Variants in ZNF124 observed in about 807,000 individuals in gnomAD.
The protein encoded by ZNF124 is zinc finger protein HZF-16.
ZNF124 carries 25 observed loss-of-function variants against 26.6 expected under a neutral mutation model. The observed-to-expected ratio is 0.94, with a 90% CI of 0.68 to 1.31. The LOEUF is 1.31. ZNF124 is among the 40% of genes most tolerant of loss of function. ZNF124 has a pLI of 0.00. For missense variants in ZNF124, 444 were observed against 422.2 expected (o/e 1.05, Z -0.45); for synonymous variants, 129 against 133.3 (o/e 0.97, Z 0.22).
At chr1:247,135,064 A>C (rs1452846161) in intron 3 of ZNF124, among the ~76,000 whole-genome samples, 1 of 152,230 alleles carries the variant, frequency 6.6e-6, no homozygotes, top group Non-Finnish European at 1.5e-5. Context: ...ACAAAGAGAC[A>C]ATGTACCAGA....
intron 3 of ZNF124, among the ~76,000 whole-genome samples, chr1:247,125,775 G>C (rs1672203507): frequency 6.6e-6 from 1 of 152,100 alleles, no homozygotes; most frequent in African/African-American, 2.4e-5. Context: ...TGAGTTTTTG[G>C]TAACAACTTT....
intron 3 of ZNF124, among the ~76,000 whole-genome samples, chr1:247,130,066 C>T (rs532076442): frequency 3.3e-5 from 5 of 152,072 alleles, no homozygotes; most frequent in Non-Finnish European, 5.9e-5. Flanking sequence ...TGTCCGTGCT[C>T]GTCAGTACTG....
At position 247,168,374 on chromosome 1, in the gene ZNF124, C is replaced by CA. The variant is rs1043995446; in HGVS notation, c.30+3473dup. Among the ~76,000 whole-genome samples, 7 of 151,778 alleles carry CA rather than the reference C, an allele frequency of 4.6e-5. No individual in the cohort carries two copies. Among genetic ancestry groups the CA allele is most frequent in the Non-Finnish European group, 1.0e-4 (7 of 67,930 alleles). On this transcript the variant is annotated intron_variant, in intron 1 of 3. Coordinates refer to ENST00000543802, the MANE Select transcript of ZNF124 (RefSeq NM_001297568.2). This position sits in a 1 kb window ranked among gnomAD's most constrained non-coding sequence, Gnocchi z 4.0. Reference sequence around the variant, plus strand: ...CAAAACCCTGTCTCTACTAAAAATACAAAAAAAATTTAGCTGGGCGTGATG... The same window carrying CA: ...CAAAACCCTGTCTCTACTAAAAATACAAAAAAAAATTTAGCTGGGCGTGATG...
chr1:247,136,701 C>T (rs1227199252), intron 3 of ZNF124, among the ~76,000 whole-genome samples: 1 of 152,160 alleles, frequency 6.6e-6, no homozygotes, highest in African/African-American at 2.4e-5. Flanking sequence ...AATCCCAGCA[C>T]TTTAGGAGGC....
At chr1:247,169,893 A>G (rs1674003276) in intron 1 of ZNF124, among the ~76,000 whole-genome samples, 1 of 108,210 alleles carries the variant, frequency 9.2e-6, no homozygotes, top group Non-Finnish European at 1.9e-5. Context: ...TCTCGGTCCC[A>G]GGGGATTCAT....
intron 3 of ZNF124, among the ~76,000 whole-genome samples, chr1:247,137,105 A>C (rs968542371): frequency 6.6e-6 from 1 of 152,060 alleles, no homozygotes; most frequent in Admixed American, 6.6e-5. Context: ...CAAAACAGAT[A>C]TATAGACCAA....
intron 3 of ZNF124, among the ~76,000 whole-genome samples, chr1:247,130,439 CAG>C: frequency 6.6e-6 from 1 of 152,308 alleles, no homozygotes; most frequent in South Asian, 2.1e-4. Flanking sequence ...TACTCACTAA[CAG>C]AAGCTCACTA....
At chr1:247,153,245 T>C (rs1304124915), downstream of ZNF124, among the ~76,000 whole-genome samples, 1 of 152,164 alleles carries the variant, frequency 6.6e-6, no homozygotes, top group East Asian at 1.9e-4. Context: ...AACATGTAAA[T>C]GTACACCAGT....
At chr1:247,151,559 T>C (rs556926450), downstream of ZNF124, among the ~76,000 whole-genome samples, 42 of 151,188 alleles carry the variant, frequency 2.8e-4, no homozygotes, top group African/African-American at 1.0e-3. Flanking sequence ...GCATGAAAAG[T>C]GTTACAAGTA....
At position 247,157,124 on chromosome 1, in the gene ZNF124, A is replaced by G. The variant is rs1363727056; in HGVS notation, c.498T>C (p.Asn166=). ...CTCCAGTGTGAATCCTTTTATGTCT[A>G]TTAAGAGAACGGGAAAAACCTAAGG... ...GKALGFSRSL[N]RHKRIHTGEK... is the part of the protein sequence containing the mutation. Residue 166 remains asparagine, a synonymous_variant, in exon 4 of 4, where the codon AAT becomes AAC. Transcript: ENST00000543802. 10 of 1,613,912 alleles carry G rather than the reference A, an allele frequency of 6.2e-6. No homozygotes were observed. Among genetic ancestry groups the G allele is most frequent in the African/African-American group, 2.7e-5 (2 of 74,862 alleles).
upstream of ZNF124, among the ~76,000 whole-genome samples, chr1:247,172,262 G>GTA (rs1231668944): frequency 6.6e-6 from 1 of 151,222 alleles, no homozygotes; most frequent in Non-Finnish European, 1.5e-5. Flanking sequence ...ACTTAACCTT[G>GTA]TATACAATGT....
rs764993991 is a variant in ZNF124, at chr1:247,144,693, C to T, written c.218+14313G>A. Among the ~76,000 whole-genome samples the T allele has an allele frequency of 5.3e-5, 8 of 152,130 alleles. No individual in the cohort carries two copies. The East Asian group carries it at 1.5e-3, about 29-fold the overall frequency. On this transcript the variant is annotated intron_variant, in intron 3 of 3. Coordinates refer to the ZNF124 transcript ENST00000472531. ...GGTCAATTTGAACTCTCTGAAAGCC[C>T]GCAAAAGACTAGCTCTAAACCCTAG...
At chr1:247,150,615 A>C (rs1572074111), downstream of ZNF124, among the ~76,000 whole-genome samples, 1 of 152,292 alleles carries the variant, frequency 6.6e-6, no homozygotes, top group African/African-American at 2.4e-5. Context: ...CTTAAAATAG[A>C]GAAAGATTTC....
At position 247,168,977 on chromosome 1, in the gene ZNF124, C is replaced by T. The variant is rs544119434; in HGVS notation, c.30+2871G>A. On this transcript the variant is annotated intron_variant, in intron 1 of 3. Transcript: ENST00000543802. The surrounding 1 kb of genome is among the most constrained non-coding windows in gnomAD (Gnocchi z 4.0). The stretch of plus-strand genomic sequence containing the variant: ...CTTGTAACCAAAAACCACCTGCTAC[C>T]CCAAATGTATTGATATAACATTAAA... Among the ~76,000 whole-genome samples, 8 of 151,726 alleles carry T rather than the reference C, an allele frequency of 5.3e-5. No individual in the cohort carries two copies. The highest frequency in any genetic ancestry group is 1.2e-4 in the Non-Finnish European group (8 of 67,954).
chr1:247,141,342 C>T (rs1672622078), intron 3 of ZNF124, among the ~76,000 whole-genome samples: 1 of 152,150 alleles, frequency 6.6e-6, no homozygotes, highest in Non-Finnish European at 1.5e-5. Flanking sequence ...CTGGGGGCTC[C>T]ACCTCCAAGA....
intron 3 of ZNF124, among the ~76,000 whole-genome samples, chr1:247,133,791 T>C (rs1672423099): frequency 6.6e-6 from 1 of 151,628 alleles, no homozygotes; most frequent in Non-Finnish European, 1.5e-5. Context: ...GTAGCGGGGA[T>C]TACAGGCATG....
intron 3 of ZNF124, among the ~76,000 whole-genome samples, chr1:247,143,626 G>T (rs534154216): frequency 5.6e-4 from 85 of 152,302 alleles, no homozygotes; most frequent in Middle Eastern, 3.4e-3. Flanking sequence ...ACTCCTGAGA[G>T]ACTCCATCTG....
intron 3 of ZNF124, among the ~76,000 whole-genome samples, chr1:247,128,087 C>T (rs1402423578): frequency 6.6e-6 from 1 of 152,112 alleles, no homozygotes; most frequent in Non-Finnish European, 1.5e-5. Flanking sequence ...TCTCAAACTC[C>T]AACTTCCCCT....
chr1:247,144,082 CA>C (rs1558377636), intron 3 of ZNF124, among the ~76,000 whole-genome samples: 1 of 152,152 alleles, frequency 6.6e-6, no homozygotes, highest in African/African-American at 2.4e-5. Context: ...TGTCCTTTCC[CA>C]ACATGATTTC....
Sources: gnomAD v4.1 joint callset for allele counts (sites outside exome capture counted in the v4.1 genomes callset) on GRCh38, gnomAD v4.1.1 for gene constraint, Gnocchi (gnomAD v3.1) non-coding constraint, MANE v1.5 for transcripts, NCBI Gene and HGNC (gene_info 2026-07-23, HGNC 2026-07-21) for gene names.